Variants in PTPRT observed in about 807,000 individuals in gnomAD.
PTPRT encodes receptor-type tyrosine-protein phosphatase T.
Under a neutral mutation model 176.8 loss-of-function variants are expected in PTPRT, and 56 were observed. The ratio of observed to expected loss-of-function variants is 0.32; its 90% CI spans 0.26 to 0.40. The LOEUF is 0.40. PTPRT is among the 10% of genes least tolerant of loss of function. PTPRT has a pLI of 1.00. For missense variants in PTPRT, 1,540 were observed against 1,908.2 expected, an observed-to-expected ratio of 0.81 and a Z score of 3.60; for synonymous variants, 783 against 739.0, an observed-to-expected ratio of 1.06 and a Z score of -0.96.
intron 7 of PTPRT, among the ~76,000 whole-genome samples, chr20:42,500,936 C>T (rs1249203402): frequency 6.6e-6 from 1 of 151,830 alleles, no homozygotes; most frequent in Admixed American, 6.5e-5. Flanking sequence ...AAATTGCCTT[C>T]ATCTATTTAC....
At chr20:43,146,631 T>C (rs1297660009) in intron 1 of PTPRT, among the ~76,000 whole-genome samples, 1 of 151,854 alleles carries the variant, frequency 6.6e-6, no homozygotes, top group Admixed American at 6.6e-5. Flanking sequence ...AAACATGATG[T>C]TGATGAAAAA....
Position 42,236,326 on chromosome 20 carries a change from C to G in PTPRT, c.2313-68G>C, listed in dbSNP as rs368815410. The G allele has an allele frequency of 4.9e-5, 63 of 1,279,008 alleles. 3 individuals are homozygous for G. Among genetic ancestry groups the G allele is most frequent in the Admixed American group, 2.4e-4 (13 of 54,832 alleles). 79.2% of individuals were successfully genotyped at this position (1,279,008 alleles called of 1,614,324 possible). A position where few individuals can be genotyped will look rare whatever the true frequency, so the allele number is the denominator to read the frequency against. ...GGGGGAAAAAGAAAAGACAAACAAA[C>G]AAGAATTAGATTTTTAATGAAATCT... On this transcript the variant is annotated intron_variant, in intron 14 of 30. Transcript: ENST00000373187.
At chr20:42,550,122 C>T (rs2072742016) in intron 7 of PTPRT, among the ~76,000 whole-genome samples, 1 of 152,062 alleles carries the variant, frequency 6.6e-6, no homozygotes, top group African/African-American at 2.4e-5. Context: ...TCTGTACGCC[C>T]CTTGCTTTTG....
chr20:42,115,656 A>G (rs1987237339), intron 21 of PTPRT, among the ~76,000 whole-genome samples: 1 of 152,264 alleles, frequency 6.6e-6, no homozygotes, highest in African/African-American at 2.4e-5. Context: ...GATGAAAATA[A>G]TACTGAAGTT....
chr20:42,730,210 C>A (rs1365601140), intron 6 of PTPRT, among the ~76,000 whole-genome samples: 1 of 152,182 alleles, frequency 6.6e-6, no homozygotes, highest in African/African-American at 2.4e-5. Context: ...GGAGCCCACA[C>A]ATTCCATATT....
At chr20:42,634,075 A>T (rs866706987) in intron 7 of PTPRT, among the ~76,000 whole-genome samples, 447 of 43,172 alleles carry the variant, frequency 0.01, 27 homozygotes, top group African/African-American at 0.05. Context: ...ATATATATAT[A>T]ATATATATAT....
chr20:42,557,428 G>A (rs2072879245), intron 7 of PTPRT, among the ~76,000 whole-genome samples: 1 of 152,062 alleles, frequency 6.6e-6, no homozygotes, highest in South Asian at 2.1e-4. Context: ...CAGAGCCAGA[G>A]ACAGGTCATG....
At chr20:42,909,107 A>G (rs2079514278) in intron 1 of PTPRT, among the ~76,000 whole-genome samples, 1 of 152,176 alleles carries the variant, frequency 6.6e-6, no homozygotes, top group African/African-American at 2.4e-5. Flanking sequence ...GTGAGCGATG[A>G]TCTTGCCACT....
intron 2 of PTPRT, among the ~76,000 whole-genome samples, chr20:42,844,735 A>G (rs1001774957): frequency 7.2e-5 from 11 of 152,062 alleles, no homozygotes; most frequent in Non-Finnish European, 1.5e-4. Flanking sequence ...CCTTCAACAT[A>G]TCTAGAATCA....
the PTPRT span, among the ~76,000 whole-genome samples, chr20:42,034,006 A>C: frequency 6.6e-6 from 1 of 152,148 alleles, no homozygotes; most frequent in African/African-American, 2.4e-5. Context: ...TTAATATATC[A>C]GGTATACTAG....
intron 9 of PTPRT, among the ~76,000 whole-genome samples, chr20:42,354,300 T>G (rs1226283194): frequency 6.6e-6 from 1 of 152,192 alleles, no homozygotes; most frequent in African/African-American, 2.4e-5. Context: ...TGAAATCCTA[T>G]GAAACGCGCT....
At chr20:42,413,419 C>CCTA (rs2059035651) in intron 9 of PTPRT, among the ~76,000 whole-genome samples, 1 of 152,072 alleles carries the variant, frequency 6.6e-6, no homozygotes, top group Non-Finnish European at 1.5e-5. Flanking sequence ...AAGTGAAAGA[C>CCTA]AATTTAGGAA....
At chr20:42,941,385 T>C (rs1980541911) in intron 1 of PTPRT, among the ~76,000 whole-genome samples, 1 of 152,142 alleles carries the variant, frequency 6.6e-6, no homozygotes, top group African/African-American at 2.4e-5. Flanking sequence ...AAATGTCAGT[T>C]CCAATCTCCC....
chr20:42,440,540 C>T (rs1030094335), intron 9 of PTPRT, among the ~76,000 whole-genome samples: 2 of 150,644 alleles, frequency 1.3e-5, no homozygotes, highest in African/African-American at 4.9e-5. Context: ...TGAAGTGGCA[C>T]AATCTTGGCT....
intron 6 of PTPRT, among the ~76,000 whole-genome samples, chr20:42,686,510 G>T (rs2146100633): frequency 1.0e-5 from 1 of 98,324 alleles, no homozygotes; most frequent in Non-Finnish European, 1.9e-5. Context: ...TTGAGACAGA[G>T]TCTCACTCTG....
intron 1 of PTPRT, among the ~76,000 whole-genome samples, chr20:43,053,392 G>A (rs1475536474): frequency 1.3e-5 from 2 of 152,252 alleles, no homozygotes; most frequent in South Asian, 2.1e-4. Context: ...CCAGCTACCC[G>A]GGTGGTTTCT....
intron 7 of PTPRT, among the ~76,000 whole-genome samples, chr20:42,642,453 G>A (rs2074779628): frequency 6.6e-6 from 1 of 152,024 alleles, no homozygotes; most frequent in South Asian, 2.1e-4. Context: ...AGTAAGATAG[G>A]GAATAGTAAT....
Position 42,363,146 on chromosome 20 carries a change from A to T in PTPRT, c.1561-10861T>A, listed in dbSNP as rs376471843. 5.4e-5 allele frequency among the ~76,000 whole-genome samples: 8 copies of T among 147,300 alleles called. No homozygotes were observed. The South Asian group carries it at 1.7e-3, about 31-fold the overall frequency. The stretch of plus-strand genomic sequence containing the variant: ...AAAAAAGAACTAAATATTTTTTTTA[A>T]AAAAAAGAACAAAAAATGTGCACTA... On this transcript the variant is annotated intron_variant, in intron 9 of 30. Transcript: ENST00000373187.
intron 7 of PTPRT, among the ~76,000 whole-genome samples, chr20:42,671,955 G>A (rs8114061): frequency 0.055 from 8,315 of 152,218 alleles, 710 homozygotes; most frequent in African/African-American, 0.18. Context: ...GATCTCTCCT[G>A]AGCTCCAGAT....
Sources: gnomAD v4.1 joint callset for allele counts (sites outside exome capture counted in the v4.1 genomes callset) on GRCh38, gnomAD v4.1.1 for gene constraint, MANE v1.5 for transcripts, NCBI Gene and HGNC (gene_info 2026-07-23, HGNC 2026-07-21) for gene names.